The following FANCM variants were observed in gnomAD, a reference collection of about 807,000 sequenced individuals.
FANCM encodes the protein FA complementation group M.
A neutral mutation model predicts 199.5 loss-of-function variants in FANCM; 140 were observed. The observed-to-expected ratio is 0.70, with a 90% CI of 0.61 to 0.81. The LOEUF (loss-of-function observed/expected upper bound fraction) is 0.81. Among genes scored for constraint, FANCM ranks in the 30% least tolerant of loss-of-function variants. The pLI is 0.00. For missense variants in FANCM, 2,410 were observed against 2,421.4 expected, an observed-to-expected ratio of 1.00 and a Z score of 0.10; for synonymous variants, 840 against 836.8, an observed-to-expected ratio of 1.00 and a Z score of -0.07.
chr14:45,196,619 A>G (rs1890076709), intron 21 of FANCM, 72 bp downstream of exon 21: 1 of 1,438,606 alleles, frequency 7.0e-7, no homozygotes, highest in Admixed American at 1.7e-5. Context: ...TTATTCTTCT[A>G]TTATTAGGAT....
chr14:45,176,001 T>G lies in FANCM; in HGVS notation c.3247T>G (p.Cys1083Gly). The G allele has an allele frequency of 3.1e-6, 5 of 1,613,810 alleles. No homozygotes were observed. In the South Asian group the frequency reaches 5.5e-5, roughly 18 times the overall value. The stretch of plus-strand genomic sequence containing the variant: ...TTCTGATGAGCCAAGTCTCTGTGAC[T>G]GTGATGTACATAAACATAATCAAAA... ...NISDEPSLCD[C>G]DVHKHNQNEN... Residue 1083 changes from cysteine to glycine, a missense_variant, in exon 14 of 23, where the codon TGT becomes GGT. Physicochemically the swap from Cys to Gly is radical, Grantham distance 159. Transcript: ENST00000267430.
Position 45,176,432 on chromosome 14 carries a change from T to G in FANCM, c.3678T>G (p.Asp1226Glu). 3 of 1,613,044 alleles carry G rather than the reference T, an allele frequency of 1.9e-6. No individual in the cohort carries two copies. Among genetic ancestry groups the G allele is most frequent in the Non-Finnish European group, 2.5e-6 (3 of 1,179,846 alleles). ...AGGATATTTTTGATTGCTCTAGGGA[T>G]TTATTTTCTGTTACCTTTGATTTAG... ...NHEDIFDCSR[D>E]LFSVTFDLGF... is the part of the protein sequence containing the mutation. Residue 1226 changes from aspartate to glutamate, a missense_variant, in exon 14 of 23, where the codon GAT becomes GAG. By Grantham distance (45) the Asp-to-Glu change is conservative (BLOSUM62 2). Coordinates refer to ENST00000267430, the MANE Select transcript of FANCM (RefSeq NM_020937.4).
Position 45,173,154 on chromosome 14 carries a change from C to T in FANCM, c.2260C>T (p.Arg754Ter), listed in dbSNP as rs778176467. ...LPTHQVDHSD[R>*]CRHFIGLMQM... ...TACACATCAAGTTGATCACTCAGAT[C>T]GATGCCGCCATTTTATAGGCCTTAT... Residue 754 changes from arginine to a stop codon, truncating the protein, a stop_gained, in exon 13 of 23, where the codon CGA (arginine) becomes TGA (stop). Transcript: ENST00000267430. LOFTEE classifies it high-confidence loss of function. 6.8e-6 allele frequency: 11 copies of T among 1,613,470 alleles called. No homozygotes were observed. In the Admixed American group the frequency reaches 1.0e-4, roughly 15 times the overall value.
At chr14:45,171,148 T>TG (rs1361076764) in intron 12 of FANCM, among the ~76,000 whole-genome samples, 1 of 151,742 alleles carries the variant, frequency 6.6e-6, no homozygotes, top group Non-Finnish European at 1.5e-5. Context: ...TTTTTTTTTT[T>TG]TTTTTAAGAG....
chr14:45,183,153 A>G (rs900776528), intron 16 of FANCM, among the ~76,000 whole-genome samples: 69 of 152,198 alleles, frequency 4.5e-4, no homozygotes, highest in African/African-American at 1.6e-3. Context: ...ACAACTTGCT[A>G]CCTTAACTAG....
At position 45,167,997 on chromosome 14, in the gene FANCM, G is replaced by A. The variant is rs144966756; in HGVS notation, c.2002+834G>A. Among the ~76,000 whole-genome samples the A allele has an allele frequency of 5.9e-3, 899 of 152,204 alleles. 9 individuals are homozygous for A. Among genetic ancestry groups the A allele is most frequent in the Admixed American group, 0.021 (327 of 15,278 alleles). ...AGAAGACTCTTACGCTGAAAAATCTGTGTCTTTGTACCTTTTTCTCATTGA... is the reference window on the plus strand; with the variant it reads ...AGAAGACTCTTACGCTGAAAAATCTATGTCTTTGTACCTTTTTCTCATTGA... On this transcript the variant is annotated intron_variant, in intron 11 of 22. Transcript: ENST00000267430.
rs747787931 is a variant in FANCM, at chr14:45,175,927, A to G, written c.3173A>G (p.Asn1058Ser). 12 of 1,613,070 alleles carry G rather than the reference A, an allele frequency of 7.4e-6. No homozygotes were observed. Among genetic ancestry groups the G allele is most frequent in the Admixed American group, 1.7e-5 (1 of 59,970 alleles). Residue 1058 changes from asparagine (N) to serine (S), a missense_variant, in exon 14 of 23, where the codon AAT (asparagine) becomes AGT (serine). By Grantham distance (46) the Asn-to-Ser change is conservative. Coordinates refer to ENST00000267430, the MANE Select transcript of FANCM (RefSeq NM_020937.4). ...GAATTGAATTCACTTAAATGTATAA[A>G]TTATCCATCTGAAAAAAGTTGCCTT... ...NLELNSLKCI[N>S]YPSEKSCLYD... is the part of the protein sequence containing the mutation.
chr14:45,184,219 G>A (rs964094440), intron 17 of FANCM, among the ~76,000 whole-genome samples: 2 of 152,072 alleles, frequency 1.3e-5, no homozygotes, highest in South Asian at 4.1e-4. Context: ...TTGCTTTTAT[G>A]ATCATTATAT....
chr14:45,200,099 A>G lies in FANCM; in HGVS notation c.*91A>G, dbSNP rs1890281813. 1 of 660,690 alleles carries G rather than the reference A, an allele frequency of 1.5e-6. No homozygotes were observed. The allele number at this position is 660,690 out of a possible 1,614,324, so 40.9% of individuals were successfully genotyped here. On this transcript the variant is annotated 3_prime_UTR_variant, in exon 23 of 23. Coordinates refer to ENST00000267430, the MANE Select transcript of FANCM (RefSeq NM_020937.4). ...GCTGTTTTATGTTTATTTGTAAATAAGAGAATATTTTATTTAAATATTTTA... is the reference window on the plus strand; with the variant it reads ...GCTGTTTTATGTTTATTTGTAAATAGGAGAATATTTTATTTAAATATTTTA...
chr14:45,180,157 C>T (rs1474112258), intron 14 of FANCM, among the ~76,000 whole-genome samples: 1 of 152,186 alleles, frequency 6.6e-6, no homozygotes, highest in Non-Finnish European at 1.5e-5. Flanking sequence ...GCATAGCAAA[C>T]TACCTGCAAA....
Position 45,196,218 on chromosome 14 carries a change from C to A in FANCM, c.5387C>A (p.Ser1796Tyr). 1.9e-6 allele frequency: 3 copies of A among 1,614,020 alleles called. No homozygotes were observed. Among genetic ancestry groups the A allele is most frequent in the South Asian group, 2.2e-5 (2 of 91,078 alleles). Residue 1796 changes from serine to tyrosine, a missense_variant, in exon 21 of 23, where the codon TCC (serine) becomes TAC (tyrosine). Physicochemically the swap from Ser to Tyr is moderately radical, Grantham distance 144 (BLOSUM62 -2). Transcript: ENST00000267430. The stretch of plus-strand genomic sequence containing the variant: ...TCTAGCACTTCAGGGGCATCCTGTT[C>A]CAAGTCAAGACCACATTTAGCTGGG... ...EDSSTSGASCSKSRPHLAGTH... is the reference protein window; with the variant it reads ...EDSSTSGASCYKSRPHLAGTH...
intron 14 of FANCM, among the ~76,000 whole-genome samples, chr14:45,178,450 G>A (rs1038421967): frequency 6.6e-6 from 1 of 152,086 alleles, no homozygotes; most frequent in African/African-American, 2.4e-5. Flanking sequence ...TTACAAACAC[G>A]TATCATGGAA....
chr14:45,154,921 ATATT>A lies in FANCM; in HGVS notation c.1309+101_1309+104del, dbSNP rs537481156. 211 of 880,598 alleles carry A rather than the reference ATATT, an allele frequency of 2.4e-4. No individual in the cohort carries two copies. The African/African-American group carries it at 3.2e-3, about 13-fold the overall frequency. The allele number at this position is 880,598 out of a possible 1,614,324, so 54.5% of individuals were successfully genotyped here. On this transcript the variant is annotated intron_variant, in intron 7 of 22. Coordinates refer to ENST00000267430, the MANE Select transcript of FANCM (RefSeq NM_020937.4). ...TTGATGCAAATGTCTACAATTATTT[ATATT>A]TTGTAGCAACAGATCTGTTAAATGT... is the stretch of plus-strand genomic sequence containing the variant.
chr14:45,142,330 G>A (rs1308166369), intron 3 of FANCM, among the ~76,000 whole-genome samples: 2 of 145,034 alleles, frequency 1.4e-5, no homozygotes, highest in South Asian at 2.1e-4. Flanking sequence ...TTTTTGAGAC[G>A]AAGTCTCGCA....
In FANCM at chr14:45,200,163, TAAA is replaced by T. The variant is rs935466113; in HGVS notation, c.*159_*161del. On this transcript the variant is annotated 3_prime_UTR_variant, in exon 23 of 23. Transcript: ENST00000267430. Reference sequence around the variant, plus strand: ...TTTATTTATAGATTATAGAAATTATTAAAAAAGAAAAATCTGATGTTCAGTGAT... The same window carrying T: ...TTTATTTATAGATTATAGAAATTATTAAAGAAAAATCTGATGTTCAGTGAT... 6.7e-5 allele frequency: 17 copies of T among 254,514 alleles called. No individual in the cohort carries two copies. The South Asian group carries it at 9.8e-4, about 15-fold the overall frequency. 15.8% of individuals were successfully genotyped at this position (254,514 alleles called of 1,614,324 possible). A position where few individuals can be genotyped will look rare whatever the true frequency, so the allele number is the denominator to read the frequency against.
chr14:45,169,404 A>C (rs560238072), intron 11 of FANCM, among the ~76,000 whole-genome samples: 1 of 149,270 alleles, frequency 6.7e-6, no homozygotes, highest in Non-Finnish European at 1.5e-5. Flanking sequence ...TTCATTTTTA[A>C]TTTTTTATTT....
At chr14:45,139,152 T>A (rs903087461) in intron 2 of FANCM, among the ~76,000 whole-genome samples, 1 of 152,224 alleles carries the variant, frequency 6.6e-6, no homozygotes, top group African/African-American at 2.4e-5. Context: ...GGACCATCAC[T>A]TCTAGCATTA....
rs576641913 is a variant in FANCM, at chr14:45,173,072, T to C, written c.2178T>C (p.Thr726=). The C allele has an allele frequency of 6.2e-7, 1 of 1,609,328 alleles. No homozygotes were observed. Among genetic ancestry groups the C allele is most frequent in the South Asian group, 1.1e-5 (1 of 90,956 alleles). The change falls in exon 13 of 23, where the codon ACT becomes ACC. Residue 726 remains threonine (T), a synonymous_variant. Coordinates refer to ENST00000267430, the MANE Select transcript of FANCM (RefSeq NM_020937.4). ...TAATTAAGGCTCAAGAATCAACCACTGGAATTCATCAACTCTCTCTCTCTG... is the reference window on the plus strand; with the variant it reads ...TAATTAAGGCTCAAGAATCAACCACCGGAATTCATCAACTCTCTCTCTCTG... ...EENKPAQEST[T]GIHQLSLSEW... is the part of the protein sequence containing the mutation.
intron 16 of FANCM, among the ~76,000 whole-genome samples, chr14:45,182,320 CAA>C (rs763333382): frequency 2.6e-5 from 4 of 152,096 alleles, no homozygotes; most frequent in African/African-American, 9.7e-5. Flanking sequence ...ATTGTAAAAA[CAA>C]AAGAGTTTCA....
Sources: allele counts gnomAD v4.1 joint callset (sites outside exome capture counted in the v4.1 genomes callset), GRCh38; gene constraint gnomAD v4.1.1; transcripts MANE v1.5; gene names NCBI Gene and HGNC (gene_info 2026-07-23, HGNC 2026-07-21).